Variants in ACSS3 observed in about 807,000 individuals in gnomAD.
ACSS3 encodes acyl-CoA synthetase short-chain family member 3, mitochondrial.
In ACSS3, 64 loss-of-function variants were observed where a neutral mutation model predicts 84.2. That is an observed-to-expected ratio of 0.76 (90% confidence interval 0.62 to 0.94). The LOEUF is 0.94. Ranked by LOEUF, ACSS3 falls within the 40% of genes least tolerant of loss-of-function variation. The pLI is 0.00. For synonymous variants in ACSS3, 317 were observed against 310.1 expected (o/e 1.02, Z -0.23); for missense variants, 815 against 867.6 (o/e 0.94, Z 0.76).
intron 8 of ACSS3, among the ~76,000 whole-genome samples, chr12:81,195,145 C>T (rs1272852038): frequency 6.6e-6 from 1 of 152,050 alleles, no homozygotes; most frequent in Admixed American, 6.6e-5. Flanking sequence ...TTTGCCTACA[C>T]TGCTGGGATC....
chr12:81,221,372 A>C (rs953878673), intron 11 of ACSS3, among the ~76,000 whole-genome samples: 4 of 152,042 alleles, frequency 2.6e-5, no homozygotes, highest in African/African-American at 9.7e-5. Context: ...AGTCAAAAGA[A>C]CTCATTACTT....
At chr12:81,174,759 AG>A (rs1565704404) in intron 7 of ACSS3, 28 bp from the exon 8 acceptor site, 1 of 1,602,940 alleles carries the variant, frequency 6.2e-7, no homozygotes, top group Non-Finnish European at 8.5e-7. Context: ...CATTTTATCC[AG>A]TGACATTTTA....
rs1265852576 is a variant in ACSS3 at position 81,258,269 on chromosome 12, AATT to A, written c.*3354_*3356del. On this transcript the variant is annotated 3_prime_UTR_variant, in exon 16 of 16. Transcript: ENST00000548058. The stretch of plus-strand genomic sequence containing the variant: ...AAACAAAGCTTAAACAGAGAACTGG[AATT>A]ATTATTTTTTTTATTGACAATGGAA... The A allele has an allele frequency of 6.6e-6, 1 of 152,148 alleles. No homozygotes were observed. The highest frequency in any genetic ancestry group is 2.4e-5 in the African/African-American group (1 of 41,444). The allele number at this position is 152,148 out of a possible 1,614,324, so 9.4% of individuals were successfully genotyped here.
chr12:81,228,368 T>C (rs1347467483), intron 11 of ACSS3, among the ~76,000 whole-genome samples: 1 of 151,828 alleles, frequency 6.6e-6, no homozygotes, highest in Non-Finnish European at 1.5e-5. Flanking sequence ...GAATGAGTGA[T>C]GGTATGAAAA....
chr12:81,142,819 G>T (rs1329577154), intron 4 of ACSS3, among the ~76,000 whole-genome samples: 2 of 152,196 alleles, frequency 1.3e-5, no homozygotes, highest in African/African-American at 2.4e-5. Flanking sequence ...CATGAGTGTT[G>T]ATGGAAACAT....
chr12:81,131,030 G>T (rs1885462949), intron 2 of ACSS3, among the ~76,000 whole-genome samples: 1 of 152,138 alleles, frequency 6.6e-6, no homozygotes, highest in Non-Finnish European at 1.5e-5. Flanking sequence ...GGTTACTGTA[G>T]CCTTGTAGTA....
chr12:81,115,154 T>A (rs1883930929), intron 2 of ACSS3, among the ~76,000 whole-genome samples: 1 of 152,162 alleles, frequency 6.6e-6, no homozygotes, highest in Non-Finnish European at 1.5e-5. Flanking sequence ...ACAAATTTTG[T>A]TGACAATATT....
intron 5 of ACSS3, among the ~76,000 whole-genome samples, chr12:81,145,871 A>T (rs1360586337): frequency 6.6e-6 from 1 of 152,188 alleles, no homozygotes; most frequent in Non-Finnish European, 1.5e-5. Context: ...ACTGGGGTAC[A>T]GGACTGGTGA....
Position 81,174,911 on chromosome 12 carries a change from G to T in ACSS3, c.1222G>T (p.Ala408Ser). Residue 408 changes from alanine (A) to serine (S), a missense_variant, in exon 8 of 16, where the codon GCT (alanine) becomes TCT (serine). Coordinates refer to ENST00000548058, the MANE Select transcript of ACSS3 (RefSeq NM_024560.4). ...RAIRQQDPGA[A>S]LGKQYSLTRF... ...AATCCGTCAACAGGACCCTGGGGCA[G>T]CTTTGGGGAAGCAGTACTCTCTGAC... 6.2e-7 allele frequency: 1 copy of T among 1,613,948 alleles called. No individual in the cohort carries two copies. Among genetic ancestry groups the T allele is most frequent in the Non-Finnish European group, 8.5e-7 (1 of 1,179,878 alleles).
chr12:81,156,206 A>ACCCC (rs1555176594), intron 7 of ACSS3, among the ~76,000 whole-genome samples: 3 of 120,228 alleles, frequency 2.5e-5, no homozygotes, highest in African/African-American at 2.6e-5. Flanking sequence ...ACACACACAC[A>ACCCC]CCCCACACAC....
chr12:81,258,761 AGCCTCAGACTCT>A lies in ACSS3; in HGVS notation c.*3842_*3853del, dbSNP rs2034484710. The A allele has an allele frequency of 1.3e-5, 2 of 151,976 alleles. No individual in the cohort carries two copies. Among genetic ancestry groups the A allele is most frequent in the South Asian group, 4.2e-4 (2 of 4,798 alleles). 9.4% of individuals were successfully genotyped at this position (151,976 alleles called of 1,614,324 possible). ...GGTTTCGTTTTCTCTAGTGGAAATG[AGCCTCAGACTCT>A]GCGGTGGTTGACATTCACTGTCCAG... On this transcript the variant is annotated 3_prime_UTR_variant, in exon 16 of 16. Transcript: ENST00000548058.
intron 1 of ACSS3, among the ~76,000 whole-genome samples, chr12:81,090,132 C>T (rs1881578801): frequency 6.6e-6 from 1 of 152,000 alleles, no homozygotes; most frequent in South Asian, 2.1e-4. Context: ...TTTCCACTCT[C>T]CTCTTATCTT....
At chr12:81,117,590 A>G (rs1884153730) in intron 2 of ACSS3, among the ~76,000 whole-genome samples, 2 of 152,302 alleles carry the variant, frequency 1.3e-5, no homozygotes, top group African/African-American at 4.8e-5. Flanking sequence ...AGAGAATGGT[A>G]GAAAGTGAGG....
At chr12:81,087,107 C>T (rs183883428) in intron 1 of ACSS3, among the ~76,000 whole-genome samples, 8 of 151,912 alleles carry the variant, frequency 5.3e-5, no homozygotes, top group Admixed American at 6.6e-5. Flanking sequence ...ATTGGAAATA[C>T]GAGGATAGTA....
At chr12:81,081,733 A>G (rs1593013296) in intron 1 of ACSS3, among the ~76,000 whole-genome samples, 1 of 152,244 alleles carries the variant, frequency 6.6e-6, no homozygotes, top group African/African-American at 2.4e-5. Context: ...TAGGATTCTC[A>G]TATACCATTT....
At chr12:81,170,461 T>A (rs561436913) in intron 7 of ACSS3, among the ~76,000 whole-genome samples, 2 of 152,182 alleles carry the variant, frequency 1.3e-5, no homozygotes, top group African/African-American at 4.8e-5. Flanking sequence ...TTAAATTTTA[T>A]AGTTTCTAAC....
At chr12:81,127,641 G>A (rs1409085233) in intron 2 of ACSS3, among the ~76,000 whole-genome samples, 2 of 151,980 alleles carry the variant, frequency 1.3e-5, no homozygotes, top group South Asian at 2.1e-4. Flanking sequence ...TTTTTGTTAC[G>A]GTTTAGACCA....
In ACSS3 at chr12:81,180,012, A is replaced by G. The variant is rs1298800203; in HGVS notation, c.1250+5073A>G. Among the ~76,000 whole-genome samples, 6 of 152,218 alleles carry G rather than the reference A, an allele frequency of 3.9e-5. No individual in the cohort carries two copies. The East Asian group carries it at 1.2e-3, about 29-fold the overall frequency. Reference sequence around the variant, plus strand: ...TGCCCATCAGTGGTGGACTGGATAAAGAACATTTGGTACATATACACCATA... The same window carrying G: ...TGCCCATCAGTGGTGGACTGGATAAGGAACATTTGGTACATATACACCATA... On this transcript the variant is annotated intron_variant, in intron 8 of 15. Coordinates refer to ENST00000548058, the MANE Select transcript of ACSS3 (RefSeq NM_024560.4).
intron 4 of ACSS3, among the ~76,000 whole-genome samples, chr12:81,139,980 T>C (rs1886015413): frequency 6.6e-6 from 1 of 152,126 alleles, no homozygotes; most frequent in South Asian, 2.1e-4. Context: ...GATGATAATA[T>C]TATTACTATT....
Sources: allele counts gnomAD v4.1 joint callset (sites outside exome capture counted in the v4.1 genomes callset), GRCh38; gene constraint gnomAD v4.1.1; transcripts MANE v1.5; gene names NCBI Gene and HGNC (gene_info 2026-07-23, HGNC 2026-07-21).